FHOD1: variants seen among roughly 807,000 people sequenced by gnomAD.
FHOD1 encodes formin homology 2 domain containing 1.
In FHOD1, 89 loss-of-function variants were observed where a neutral mutation model predicts 111.6. That is an observed-to-expected ratio of 0.80 (90% CI 0.67 to 0.95). FHOD1 has a LOEUF of 0.95. Among genes scored for constraint, FHOD1 ranks in the 40% least tolerant of loss-of-function variants. The pLI, the probability that FHOD1 is intolerant of heterozygous loss-of-function variation, is 0.00. For missense variants in FHOD1, 1,446 were observed against 1,554.2 expected, an observed-to-expected ratio of 0.93 and a Z score of 1.17; for synonymous variants, 618 against 639.0, an observed-to-expected ratio of 0.97 and a Z score of 0.50.
At chr16:67,246,242 G>GGCTGGGAGCAGGGGGCTCA (rs1240109874) in intron 1 of FHOD1, among the ~76,000 whole-genome samples, 13 of 152,330 alleles carry the variant, frequency 8.5e-5, no homozygotes, top group Middle Eastern at 3.4e-3. Context: ...GCCCAGCTGA[G>GGCTGGGAGCAGGGGGCTCA]GCTGGGAGCA....
intron 13 of FHOD1, 39 bp downstream of exon 13, chr16:67,233,618 T>A: frequency 1.9e-6 from 3 of 1,544,064 alleles, no homozygotes; most frequent in Non-Finnish European, 1.8e-6. Flanking sequence ...GATTCCCTCC[T>A]GCCTCCCTTG....
chr16:67,234,333 C>G (rs776099857), intron 12 of FHOD1, 24 bp downstream of exon 12: 2 of 1,607,720 alleles, frequency 1.2e-6, no homozygotes, highest in East Asian at 2.2e-5. Context: ...CAGGCAGGCT[C>G]TGCCTGCTCA....
chr16:67,230,547 AT>A (rs760026274), intron 18 of FHOD1, 41 bp from the exon 19 acceptor site: 61 of 1,613,258 alleles, frequency 3.8e-5, no homozygotes, highest in Middle Eastern at 3.3e-4. Flanking sequence ...AGTCCTGCTT[AT>A]TGTCTGAGGG....
Position 67,230,531 on chromosome 16 carries a change from A to T in FHOD1, c.2859-25T>A, listed in dbSNP as rs201273155. 3.2e-5 allele frequency: 52 copies of T among 1,613,790 alleles called. No homozygotes were observed. In the Admixed American group the frequency reaches 8.3e-4, roughly 26 times the overall value. ...CCTAGGCAGGTCAGAGTAGGGAGGG[A>T]CAGTAAGTCCTGCTTATTGTCTGAG... On this transcript the variant is annotated intron_variant, in intron 18 of 21. Coordinates refer to ENST00000258201, the MANE Select transcript of FHOD1 (RefSeq NM_013241.3).
chr16:67,237,217 C>G lies in FHOD1; in HGVS notation c.993+22G>C, dbSNP rs1272723469. The G allele has an allele frequency of 1.2e-6, 2 of 1,609,716 alleles. No homozygotes were observed. The highest frequency in any genetic ancestry group is 2.2e-5 in the South Asian group (2 of 90,892). On this transcript the variant is annotated intron_variant, in intron 9 of 21. Coordinates refer to ENST00000258201, the MANE Select transcript of FHOD1 (RefSeq NM_013241.3). This position sits in a 1 kb window ranked among gnomAD's most constrained non-coding sequence, Gnocchi z 5.6. ...TCTCTTCCCTCTTTCCAATCCGCCTCAGAGCGTAAGGCCCGGCCCACCTCG... is the reference window on the plus strand; with the variant it reads ...TCTCTTCCCTCTTTCCAATCCGCCTGAGAGCGTAAGGCCCGGCCCACCTCG...
chr16:67,238,873 T>G lies in FHOD1; in HGVS notation c.373+30A>C. Reference sequence around the variant, plus strand: ...CAACTGGGCTATGGGGAGGAGGTGCTGCTGGACATGGATGCTCTCACACAC... The same window carrying G: ...CAACTGGGCTATGGGGAGGAGGTGCGGCTGGACATGGATGCTCTCACACAC... On this transcript the variant is annotated intron_variant, in intron 3 of 21. Transcript: ENST00000258201. The surrounding 1 kb of genome is among the most constrained non-coding windows in gnomAD (Gnocchi z 4.2). 1 of 1,612,286 alleles carries G rather than the reference T, an allele frequency of 6.2e-7. No individual in the cohort carries two copies. The highest frequency in any genetic ancestry group is 8.5e-7 in the Non-Finnish European group (1 of 1,178,280).
intron 11 of FHOD1, 52 bp downstream of exon 11, chr16:67,236,505 G>T: frequency 6.3e-7 from 1 of 1,590,044 alleles, no homozygotes; most frequent in East Asian, 2.3e-5. Flanking sequence ...GGCGCAAAGC[G>T]GAGGGACAAT....
chr16:67,231,496 C>T lies in FHOD1; in HGVS notation c.2439G>A (p.Gln813=). 6.2e-7 allele frequency: 1 copy of T among 1,614,184 alleles called. No individual in the cohort carries two copies. The highest frequency in any genetic ancestry group is 8.5e-7 in the Non-Finnish European group (1 of 1,180,030). Residue 813 remains glutamine (Q), a synonymous_variant, in exon 16 of 22, where the codon CAG becomes CAA. Transcript: ENST00000258201. The surrounding 1 kb of genome is among the most constrained non-coding windows in gnomAD (Gnocchi z 4.3). ...CCAGGATGCAGCGGAAGGTGGCATTCTGTACCAGCTGTTCCATACCCACTT... is the reference window on the plus strand; with the variant it reads ...CCAGGATGCAGCGGAAGGTGGCATTTTGTACCAGCTGTTCCATACCCACTT... ...DLKVGMEQLV[Q]NATFRCILAT...
At position 67,237,094 on chromosome 16, in the gene FHOD1, A is replaced by G; in HGVS notation, c.1014T>C (p.Asp338=). The change falls in exon 10 of 22, where the codon GAT becomes GAC. Residue 338 remains aspartate (D), a synonymous_variant. Coordinates refer to ENST00000258201, the MANE Select transcript of FHOD1 (RefSeq NM_013241.3). This position sits in a 1 kb window ranked among gnomAD's most constrained non-coding sequence, Gnocchi z 5.6. The part of the protein sequence containing the change: ...VLYENALKLE[D]GDIEEAPGAG... ...CGCCTGGGGCTTCTTCGATGTCTCC[A>G]TCCTCCAATTTCAGGGCGTTCTAGC... 16 of 1,611,674 alleles carry G rather than the reference A, an allele frequency of 9.9e-6. No individual in the cohort carries two copies. The highest frequency in any genetic ancestry group is 1.2e-5 in the Non-Finnish European group (14 of 1,179,182).
intron 11 of FHOD1, 61 bp downstream of exon 11, chr16:67,236,496 G>T: frequency 6.3e-7 from 1 of 1,577,642 alleles, no homozygotes; most frequent in African/African-American, 1.3e-5. Flanking sequence ...CCATGGAGGG[G>T]CGCAAAGCGG....
chr16:67,237,125 CG>C lies in FHOD1; in HGVS notation c.994-12del. 1 of 1,606,362 alleles carries C rather than the reference CG, an allele frequency of 6.2e-7. No individual in the cohort carries two copies. Among genetic ancestry groups the C allele is most frequent in the Non-Finnish European group, 8.5e-7 (1 of 1,176,024 alleles). On this transcript the variant is annotated splice_polypyrimidine_tract_variant and intron_variant, in intron 9 of 21. Coordinates refer to ENST00000258201, the MANE Select transcript of FHOD1 (RefSeq NM_013241.3). This position sits in a 1 kb window ranked among gnomAD's most constrained non-coding sequence, Gnocchi z 5.6. ...CAATTTCAGGGCGTTCTAGCAGAGG[CG>C]GACCAGGATGTAAGAAAGTGGTTAA... is the stretch of plus-strand genomic sequence containing the variant.
intron 1 of FHOD1, among the ~76,000 whole-genome samples, chr16:67,242,628 C>T (rs1239557571): frequency 1.3e-5 from 2 of 152,316 alleles, no homozygotes; most frequent in South Asian, 2.1e-4. Context: ...AAGCTCAGCA[C>T]GTAGTATGGG....
intron 1 of FHOD1, among the ~76,000 whole-genome samples, chr16:67,244,317 G>C (rs2034749001): frequency 6.6e-6 from 1 of 152,122 alleles, no homozygotes. Context: ...GGAGGCTCTA[G>C]ATTAGGAGAT....
Position 67,234,118 on chromosome 16 carries a change from T to C in FHOD1, c.1585A>G (p.Ile529Val). ...GGTGCACGGGTAGGGAGCTCCCAGA[T>C]GGGCTCAGCCTTGGGGCTTGCTGGT... is the stretch of plus-strand genomic sequence containing the variant. ...LIPASPKAEP[I>V]WELPTRAPRL... The change falls in exon 13 of 22, where the codon ATC (isoleucine) becomes GTC (valine). Residue 529 changes from isoleucine to valine, a missense_variant. Ile to Val is a conservative substitution (Grantham distance 29). Around this residue, in one of 3 missense-constraint regions of FHOD1, gnomAD observed 1,085 missense variants for 1,108.8 expected, o/e 0.98. Transcript: ENST00000258201. The C allele has an allele frequency of 1.3e-6, 2 of 1,588,032 alleles. No individual in the cohort carries two copies. The highest frequency in any genetic ancestry group is 1.7e-6 in the Non-Finnish European group (2 of 1,164,428).
In FHOD1 at chr16:67,234,052, C is replaced by A; in HGVS notation, c.1651G>T (p.Glu551Ter). 6.2e-7 allele frequency: 1 copy of A among 1,613,618 alleles called. No homozygotes were observed. Among genetic ancestry groups the A allele is most frequent in the Non-Finnish European group, 8.5e-7 (1 of 1,179,820 alleles). ...IGDLDFSDLG[E>*]DEDQDMLNVE... Reference sequence around the variant, plus strand: ...TTCAGCATGTCCTGGTCTTCATCCTCCCCTAGATCTGAAAAGTCCAGGTCC... The same window carrying A: ...TTCAGCATGTCCTGGTCTTCATCCTACCCTAGATCTGAAAAGTCCAGGTCC... Residue 551 changes from glutamate (E) to a stop codon, truncating the protein, a stop_gained, in exon 13 of 22, where the codon GAG becomes TAG. Coordinates refer to ENST00000258201, the MANE Select transcript of FHOD1 (RefSeq NM_013241.3). LOFTEE classifies it high-confidence loss of function.
At chr16:67,246,573 C>CGGGGGT (rs2034843701) in intron 1 of FHOD1, among the ~76,000 whole-genome samples, 1 of 151,450 alleles carries the variant, frequency 6.6e-6, no homozygotes, top group Non-Finnish European at 1.5e-5. Flanking sequence ...GGCGAGTGTC[C>CGGGGGT]GGGGGTGGGG....
At position 67,247,243 on chromosome 16, in the gene FHOD1, G is replaced by T; in HGVS notation, c.168C>A (p.Pro56=). The T allele has an allele frequency of 6.2e-7, 1 of 1,605,278 alleles. No homozygotes were observed. The change falls in exon 1 of 22, where the codon CCC becomes CCA. Residue 56 remains proline (P), a synonymous_variant. Transcript: ENST00000258201. ...DGALPLGAQI[P]AVHRLLGAPL... ...GCGCTCCCAGCAGGCGGTGCACCGC[G>T]GGTATCTGCGCGCCCAAGGGCAGCG...
At chr16:67,245,655 G>T (rs2034790521) in intron 1 of FHOD1, among the ~76,000 whole-genome samples, 1 of 151,800 alleles carries the variant, frequency 6.6e-6, no homozygotes, top group African/African-American at 2.4e-5. Flanking sequence ...TGAGGCACGA[G>T]AATTGCTAGA....
chr16:67,230,194 G>A lies in FHOD1; in HGVS notation c.3086C>T (p.Pro1029Leu), dbSNP rs1432109802. ...TGCTACTGGGACAGAGGGGTTGCTG[G>A]GGGCTTCCCCAGCCACACCTGAGAA... ...EKFSGVAGEA[P>L]SNPSVPVAVS... is the part of the protein sequence containing the mutation. Residue 1029 changes from proline (P) to leucine (L), a missense_variant, in exon 20 of 22, where the codon CCC becomes CTC. Transcript: ENST00000258201. The A allele has an allele frequency of 1.2e-6, 2 of 1,613,886 alleles. No homozygotes were observed. Among genetic ancestry groups the A allele is most frequent in the Non-Finnish European group, 1.7e-6 (2 of 1,179,918 alleles).
Sources: allele counts gnomAD v4.1 joint callset (sites outside exome capture counted in the v4.1 genomes callset), GRCh38; gene constraint gnomAD v4.1.1; regional missense constraint gnomAD v4.1.1; non-coding constraint Gnocchi (gnomAD v3.1); transcripts MANE v1.5; gene names NCBI Gene and HGNC (gene_info 2026-07-23, HGNC 2026-07-21).